The following PDE4B variants were observed in gnomAD, a reference collection of about 807,000 sequenced individuals.
PDE4B encodes 3',5'-cyclic-AMP phosphodiesterase 4B.
Under a neutral mutation model 82.2 loss-of-function variants are expected in PDE4B, and 20 were observed. The observed-to-expected ratio is 0.24, with a 90% CI of 0.17 to 0.35. The LOEUF is 0.35. PDE4B is among the 10% of genes least tolerant of loss of function. The probability of loss-of-function intolerance (pLI) is 1.00; values close to 1 mark genes in which losing one functional copy is unlikely to be tolerated. For missense variants in PDE4B, 655 were observed against 907.2 expected (o/e 0.72, Z 3.57); for synonymous variants, 320 against 318.9 (o/e 1.00, Z -0.04).
At chr1:66,153,866 A>T (rs1017851474) in intron 3 of PDE4B, among the ~76,000 whole-genome samples, 5 of 152,090 alleles carry the variant, frequency 3.3e-5, no homozygotes, top group Non-Finnish European at 5.9e-5. Context: ...AGTGTGTGTG[A>T]TGTGACCTGA....
intron 7 of PDE4B, among the ~76,000 whole-genome samples, chr1:66,297,694 C>T (rs913179593): frequency 1.2e-4 from 19 of 152,218 alleles, no homozygotes; most frequent in African/African-American, 3.9e-4. Flanking sequence ...TTACTCCATT[C>T]ATAAGGACTC....
At chr1:66,108,132 C>G (rs1360410176) in intron 3 of PDE4B, among the ~76,000 whole-genome samples, 1 of 151,902 alleles carries the variant, frequency 6.6e-6, no homozygotes, top group Admixed American at 6.6e-5. Flanking sequence ...ATTAAAGAGT[C>G]ATCAGGCTGT....
chr1:65,810,964 C>T (rs117398073), intron 1 of PDE4B, among the ~76,000 whole-genome samples: 2 of 152,172 alleles, frequency 1.3e-5, no homozygotes, highest in East Asian at 3.9e-4. Context: ...CAGATGATTC[C>T]CTGTTTGGGA....
At chr1:66,232,188 A>G (rs1164330396) in intron 3 of PDE4B, among the ~76,000 whole-genome samples, 1 of 152,226 alleles carries the variant, frequency 6.6e-6, no homozygotes, top group African/African-American at 2.4e-5. Flanking sequence ...TGCAAGATCA[A>G]TGCTAAGTAG....
chr1:65,837,203 T>G (rs1646149885), intron 1 of PDE4B, among the ~76,000 whole-genome samples: 1 of 152,094 alleles, frequency 6.6e-6, no homozygotes, highest in African/African-American at 2.4e-5. Context: ...TATTTATATA[T>G]CATGTATTGT....
chr1:65,950,370 A>G (rs893207563), intron 3 of PDE4B, among the ~76,000 whole-genome samples: 2 of 152,086 alleles, frequency 1.3e-5, no homozygotes, highest in African/African-American at 4.8e-5. Context: ...ATCCAGCTGG[A>G]AAATGATCCA....
chr1:66,030,671 GC>G (rs1653723045), intron 3 of PDE4B, among the ~76,000 whole-genome samples: 1 of 151,996 alleles, frequency 6.6e-6, no homozygotes, highest in Admixed American at 6.6e-5. Context: ...TATGTTCATC[GC>G]AGTGCTATTC....
rs944824865 is a variant in PDE4B, at chr1:66,374,037, A to C, written c.*1359A>C. 3 of 152,652 alleles carry C rather than the reference A, an allele frequency of 2.0e-5. No homozygotes were observed. Among genetic ancestry groups the C allele is most frequent in the Admixed American group, 6.5e-5 (1 of 15,280 alleles). The allele number at this position is 152,652 out of a possible 1,614,324, so 9.5% of individuals were successfully genotyped here. ...GGGATGTAGTTTTTACCCAGGTTCT[A>C]TCCAAATCTATGTGGGCATGAGTTG... On this transcript the variant is annotated 3_prime_UTR_variant, in exon 17 of 17. Coordinates refer to ENST00000341517, the MANE Select transcript of PDE4B (RefSeq NM_002600.4).
At chr1:66,169,264 T>C (rs1216646381) in intron 3 of PDE4B, among the ~76,000 whole-genome samples, 1 of 152,160 alleles carries the variant, frequency 6.6e-6, no homozygotes, top group East Asian at 1.9e-4. Context: ...GGGTTAATTG[T>C]GATTTCAGTG....
chr1:65,888,233 C>T (rs1390434121), intron 1 of PDE4B, among the ~76,000 whole-genome samples: 1 of 152,068 alleles, frequency 6.6e-6, no homozygotes, highest in Non-Finnish European at 1.5e-5. Flanking sequence ...ATTCTTGCTT[C>T]CTTTGTCAAA....
intron 1 of PDE4B, among the ~76,000 whole-genome samples, chr1:65,910,913 ACAAT>A (rs1647082601): frequency 6.6e-6 from 1 of 152,162 alleles, no homozygotes; most frequent in Non-Finnish European, 1.5e-5. Context: ...TATCCAGAAA[ACAAT>A]CAATCTATAT....
chr1:65,843,282 G>GC (rs1166579930), intron 1 of PDE4B, among the ~76,000 whole-genome samples: 2 of 152,060 alleles, frequency 1.3e-5, no homozygotes, highest in Admixed American at 6.6e-5. Context: ...TCCTAGGAAG[G>GC]CCCCTAGAGA....
At chr1:66,032,800 G>T (rs571140193) in intron 3 of PDE4B, among the ~76,000 whole-genome samples, 9 of 151,942 alleles carry the variant, frequency 5.9e-5, no homozygotes, top group East Asian at 1.9e-4. Flanking sequence ...GACTACAGGC[G>T]CCTGCCACCA....
chr1:66,134,728 G>T (rs1235640681), intron 3 of PDE4B, among the ~76,000 whole-genome samples: 1 of 152,168 alleles, frequency 6.6e-6, no homozygotes, highest in Non-Finnish European at 1.5e-5. Context: ...GTGATGAGAG[G>T]TTGTTTGTAA....
At chr1:66,037,002 C>A (rs547762225) in intron 3 of PDE4B, among the ~76,000 whole-genome samples, 1 of 151,292 alleles carries the variant, frequency 6.6e-6, no homozygotes, top group Non-Finnish European at 1.5e-5. Flanking sequence ...GGTATGGTGG[C>A]GTGACCTGTA....
rs567480656 is a variant in PDE4B, at chr1:66,332,217, A to C, written c.635-291A>C. 37 of 1,442,014 alleles carry C rather than the reference A, an allele frequency of 2.6e-5. No homozygotes were observed. In the African/African-American group the frequency reaches 4.9e-4, roughly 19 times the overall value. The allele number at this position is 1,442,014 out of a possible 1,614,324, so 89.3% of individuals were successfully genotyped here. The stretch of plus-strand genomic sequence containing the variant: ...ACACATTTATGCAGATGAGCTTATA[A>C]GAGACCGTTCCCTCCGCCTTCTTCC... On this transcript the variant is annotated intron_variant, in intron 7 of 16. Coordinates refer to ENST00000341517, the MANE Select transcript of PDE4B (RefSeq NM_002600.4).
intron 1 of PDE4B, among the ~76,000 whole-genome samples, chr1:65,798,905 A>T (rs1367466907): frequency 6.6e-6 from 1 of 151,136 alleles, no homozygotes; most frequent in African/African-American, 2.4e-5. Flanking sequence ...TCTATGGAAC[A>T]TTTTTTTTTC....
At chr1:66,254,260 A>T (rs1654017589) in intron 4 of PDE4B, among the ~76,000 whole-genome samples, 1 of 152,226 alleles carries the variant, frequency 6.6e-6, no homozygotes, top group African/African-American at 2.4e-5. Context: ...GAAAGCAAGA[A>T]AGAAGGAAAG....
At chr1:66,198,158 C>T (rs1043725460) in intron 3 of PDE4B, among the ~76,000 whole-genome samples, 6 of 152,028 alleles carry the variant, frequency 3.9e-5, no homozygotes, top group African/African-American at 1.4e-4. Flanking sequence ...AAGATCAAAC[C>T]AAGCGGCTAA....
Sources: gnomAD v4.1 joint callset for allele counts (sites outside exome capture counted in the v4.1 genomes callset) on GRCh38, gnomAD v4.1.1 for gene constraint, MANE v1.5 for transcripts, NCBI Gene and HGNC (gene_info 2026-07-23, HGNC 2026-07-21) for gene names.